Variants in PRKN observed in about 807,000 individuals in gnomAD.
PRKN encodes the protein E3 ubiquitin-protein ligase parkin.
In PRKN, 56 loss-of-function variants were observed where a neutral mutation model predicts 59.5. The observed-to-expected ratio is 0.94, with a 90% confidence interval of 0.76 to 1.18. The LOEUF (loss-of-function observed/expected upper bound fraction) is 1.18. Ranked by LOEUF, PRKN falls within the 50% of genes most tolerant of loss-of-function variation. The pLI is 0.00. For missense variants in PRKN, 657 were observed against 596.4 expected (o/e 1.10, Z -1.06); for synonymous variants, 250 against 222.1 (o/e 1.13, Z -1.12).
rs57946109 is a variant in PRKN at position 161,433,778 on chromosome 6, A to ATT, written c.1084-46902_1084-46901insAA. ...TCACCTGTAATCCCAGCACTTTGGG[A>ATT]GGCCGAGGCAAGCAGATCACCTGAG... is the stretch of plus-strand genomic sequence containing the variant. On this transcript the variant is annotated intron_variant, in intron 9 of 11. Coordinates refer to ENST00000366898, the MANE Select transcript of PRKN (RefSeq NM_004562.3). Among the ~76,000 whole-genome samples, 807 of 152,180 alleles carry ATT rather than the reference A, an allele frequency of 5.3e-3. 10 individuals are homozygous for ATT. Among genetic ancestry groups the ATT allele is most frequent in the African/African-American group, 0.019 (768 of 41,498 alleles).
chr6:162,119,492 C>T (rs774674721), intron 4 of PRKN, among the ~76,000 whole-genome samples: 10 of 152,186 alleles, frequency 6.6e-5, no homozygotes, highest in Non-Finnish European at 1.0e-4. Context: ...GAGCTGTCAA[C>T]AGGAGGCAGG....
At chr6:161,856,125 C>T (rs913400871) in intron 6 of PRKN, among the ~76,000 whole-genome samples, 19 of 152,192 alleles carry the variant, frequency 1.2e-4, no homozygotes, top group East Asian at 9.6e-4. Flanking sequence ...TTTGGGAGGC[C>T]GAGGTGGGCA....
At chr6:161,591,515 T>G (rs1781724735) in intron 7 of PRKN, among the ~76,000 whole-genome samples, 3 of 152,200 alleles carry the variant, frequency 2.0e-5, no homozygotes, top group Non-Finnish European at 4.4e-5. Flanking sequence ...TGTTTTTTTG[T>G]TTGTTTTGTT....
chr6:162,427,792 C>A (rs1378748590), intron 2 of PRKN, among the ~76,000 whole-genome samples: 1 of 151,902 alleles, frequency 6.6e-6, no homozygotes, highest in African/African-American at 2.4e-5. Context: ...ACTACAGGCG[C>A]CCCAGACCAC....
intron 9 of PRKN, among the ~76,000 whole-genome samples, chr6:161,403,309 C>G (rs1177327825): frequency 6.6e-6 from 1 of 151,996 alleles, no homozygotes; most frequent in Non-Finnish European, 1.5e-5. Flanking sequence ...TAGATCATGG[C>G]AAACACTAAA....
intron 2 of PRKN, among the ~76,000 whole-genome samples, chr6:162,442,099 A>G (rs1790083611): frequency 6.6e-6 from 1 of 152,206 alleles, no homozygotes; most frequent in African/African-American, 2.4e-5. Flanking sequence ...TTTGTGCACA[A>G]CGAGTATGTG....
chr6:162,497,744 A>T (rs1277788024), intron 1 of PRKN, among the ~76,000 whole-genome samples: 1 of 152,200 alleles, frequency 6.6e-6, no homozygotes, highest in Non-Finnish European at 1.5e-5. Context: ...AAATGTACAC[A>T]GTATTCCATC....
At position 161,581,794 on chromosome 6, in the gene PRKN, A is replaced by C. The variant is rs2128138197; in HGVS notation, c.872-12378T>G. ...TGGTCCTGCCGAGCTGCTAGTGCAG[A>C]GGGTGTGGAAGCCATGCTAAGCTAG... On this transcript the variant is annotated intron_variant, in intron 7 of 11. Transcript: ENST00000366898. This position sits in a 1 kb window ranked among gnomAD's most constrained non-coding sequence, Gnocchi z 4.5. Among the ~76,000 whole-genome samples the C allele has an allele frequency of 6.6e-6, 1 of 152,324 alleles. No individual in the cohort carries two copies. Among genetic ancestry groups the C allele is most frequent in the Non-Finnish European group, 1.5e-5 (1 of 68,028 alleles).
intron 1 of PRKN, among the ~76,000 whole-genome samples, chr6:162,524,545 G>A (rs958800269): frequency 2.0e-5 from 3 of 152,092 alleles, no homozygotes; most frequent in African/African-American, 7.2e-5. Context: ...ATTTACTTTA[G>A]GGTGTATTCA....
chr6:162,110,222 T>G (rs28398394), intron 4 of PRKN, among the ~76,000 whole-genome samples: 1 of 152,226 alleles, frequency 6.6e-6, no homozygotes, highest in African/African-American at 2.4e-5. Context: ...GATAATTCTA[T>G]GGTATTCCTG....
intron 1 of PRKN, among the ~76,000 whole-genome samples, chr6:162,649,395 G>T (rs965957095): frequency 6.6e-6 from 1 of 152,144 alleles, no homozygotes. Context: ...TAATGATTTT[G>T]CCAGGGCAGC....
intron 4 of PRKN, among the ~76,000 whole-genome samples, chr6:162,055,600 G>A (rs911232650): frequency 7.9e-5 from 12 of 152,118 alleles, no homozygotes; most frequent in African/African-American, 2.2e-4. Context: ...GGAGGAGGAG[G>A]GAGGGTGGCA....
At chr6:162,259,867 T>C (rs957362958) in intron 3 of PRKN, among the ~76,000 whole-genome samples, 2 of 152,176 alleles carry the variant, frequency 1.3e-5, no homozygotes, top group East Asian at 3.9e-4. Context: ...AAAGGTGAAG[T>C]CAGAACTGGA....
chr6:161,820,577 T>C (rs1282683659), intron 6 of PRKN, among the ~76,000 whole-genome samples: 1 of 147,676 alleles, frequency 6.8e-6, no homozygotes, highest in African/African-American at 2.4e-5. Context: ...AAATATAAAA[T>C]ATATAAACAA....
chr6:162,007,027 G>A (rs983513001), intron 5 of PRKN, among the ~76,000 whole-genome samples: 15 of 151,834 alleles, frequency 9.9e-5, no homozygotes, highest in African/African-American at 3.4e-4. Flanking sequence ...ATAACTGAAT[G>A]GATAAATGAA....
At chr6:162,248,380 G>A (rs1166927159) in intron 3 of PRKN, among the ~76,000 whole-genome samples, 1 of 152,136 alleles carries the variant, frequency 6.6e-6, no homozygotes, top group Non-Finnish European at 1.5e-5. Flanking sequence ...TTCTGATATT[G>A]CTGGTCACTG....
intron 2 of PRKN, among the ~76,000 whole-genome samples, chr6:162,374,114 A>T (rs1212853482): frequency 6.6e-6 from 1 of 152,224 alleles, no homozygotes; most frequent in African/African-American, 2.4e-5. Context: ...ATACGCAAGG[A>T]GGCAGCTTAG....
intron 9 of PRKN, among the ~76,000 whole-genome samples, chr6:161,438,453 T>C (rs1789034517): frequency 6.6e-6 from 1 of 152,030 alleles, no homozygotes; most frequent in Non-Finnish European, 1.5e-5. Flanking sequence ...CTTGACCTCG[T>C]AATCCGCCCA....
chr6:162,256,723 C>T (rs950913209), intron 3 of PRKN, among the ~76,000 whole-genome samples: 15 of 152,154 alleles, frequency 9.9e-5, no homozygotes, highest in Non-Finnish European at 2.1e-4. Context: ...GAGAGGGACA[C>T]CCAGACACTA....
Sources: gnomAD v4.1 joint callset for allele counts (sites outside exome capture counted in the v4.1 genomes callset) on GRCh38, gnomAD v4.1.1 for gene constraint, Gnocchi (gnomAD v3.1) non-coding constraint, MANE v1.5 for transcripts, NCBI Gene and HGNC (gene_info 2026-07-23, HGNC 2026-07-21) for gene names.